The following PHF8 variants were observed in gnomAD, a reference collection of about 807,000 sequenced individuals.
PHF8 encodes PHD finger protein 8.
PHF8 carries 9 observed loss-of-function variants against 74.4 expected under a neutral mutation model. That is an observed-to-expected ratio of 0.12 (90% CI 0.07 to 0.21). The LOEUF (loss-of-function observed/expected upper bound fraction) is 0.21. PHF8 is among the 10% of genes least tolerant of loss of function. PHF8 has a pLI of 1.00. For missense variants in PHF8, 478 were observed against 816.6 expected (o/e 0.59, Z 5.05); for synonymous variants, 311 against 316.6 (o/e 0.98, Z 0.19).
upstream of PHF8, among the ~76,000 whole-genome samples, chrX:54,046,679 C>T (rs1237753397): frequency 2.7e-5 from 3 of 109,651 alleles, no homozygotes; most frequent in East Asian, 2.8e-4. Context: ...GTAATAATTA[C>T]GAAGAGAAGT....
chrX:54,006,352 T>G (rs1187996800), intron 8 of PHF8, among the ~76,000 whole-genome samples: 1 of 110,101 alleles, frequency 9.1e-6, no homozygotes, highest in Non-Finnish European at 1.9e-5. Context: ...CGTGGTAGTG[T>G]ACATCTGTGG....
At chrX:53,985,679 C>T in intron 17 of PHF8, 137 bp downstream of exon 17, 1 of 1,079,647 alleles carries the variant, frequency 9.3e-7, no homozygotes, top group Non-Finnish European at 1.3e-6. Flanking sequence ...TATTCTTTCA[C>T]CCAAATGCCC....
chrX:54,035,250 G>A (rs1475475676), intron 2 of PHF8, among the ~76,000 whole-genome samples: 2 of 107,910 alleles, frequency 1.9e-5, no homozygotes, highest in Non-Finnish European at 3.8e-5. Flanking sequence ...CCAGCTACTC[G>A]GGAGGCTAAG....
In PHF8 at chrX:53,994,288, G is replaced by C. The variant is rs782260681; in HGVS notation, c.1324-385C>G. Among the ~76,000 whole-genome samples, 3 of 112,464 alleles carry C rather than the reference G, an allele frequency of 2.7e-5. No homozygotes were observed. The South Asian group carries it at 1.1e-3, about 41-fold the overall frequency. On this transcript the variant is annotated intron_variant, in intron 12 of 21. Transcript: ENST00000338154. Reference sequence around the variant, plus strand: ...CTAGCTAGCTCTGTAACTAGCTCAGGAAAGTTATCTGACCATTTGAGACTG... The same window carrying C: ...CTAGCTAGCTCTGTAACTAGCTCAGCAAAGTTATCTGACCATTTGAGACTG...
intron 4 of PHF8, among the ~76,000 whole-genome samples, chrX:54,020,633 G>A (rs1329387981): frequency 8.9e-6 from 1 of 112,075 alleles, no homozygotes; most frequent in Non-Finnish European, 1.9e-5. Flanking sequence ...CAAATAACGG[G>A]TTGACTTTGG....
At chrX:54,008,646 G>A (rs886657404) in intron 8 of PHF8, among the ~76,000 whole-genome samples, 32 of 110,661 alleles carry the variant, frequency 2.9e-4, no homozygotes, top group South Asian at 3.8e-4. Context: ...AGCCAAGATC[G>A]CGCCACTGCA....
chrX:54,036,881 T>G (rs188714370), intron 2 of PHF8, among the ~76,000 whole-genome samples: 1 of 106,416 alleles, frequency 9.4e-6, no homozygotes, highest in Non-Finnish European at 1.9e-5. Context: ...GCGCCTATAA[T>G]CCCAGCTAGT....
At chrX:53,988,326 G>A (rs1051219262) in intron 14 of PHF8, among the ~76,000 whole-genome samples, 1 of 111,438 alleles carries the variant, frequency 9.0e-6, no homozygotes, top group Non-Finnish European at 1.9e-5. Flanking sequence ...GGGAAAGGAT[G>A]GTTTTTTTCA....
At position 53,940,551 on chromosome X, in the gene PHF8, G is replaced by C. The variant is rs7886772; in HGVS notation, c.2650-35C>G. 101,397 of 1,009,246 alleles carry C rather than the reference G, an allele frequency of 0.1. 4,272 individuals are homozygous for C. Among genetic ancestry groups the C allele is most frequent in the African/African-American group, 0.25 (13,139 of 53,185 alleles). The allele number at this position is 1,009,246 out of a possible 1,213,427, so 83.2% of individuals were successfully genotyped here. On this transcript the variant is annotated intron_variant, in intron 20 of 21. Transcript: ENST00000338154. ...AAGCCAAGTAGGAGGAGAGATTAAG[G>C]AGTGAAGAAGACAAGTTCCCAGGAA... is the stretch of plus-strand genomic sequence containing the variant.
At chrX:53,943,401 A>T in intron 20 of PHF8, 1 of 1,011,029 alleles carries the variant, frequency 9.9e-7, no homozygotes, top group East Asian at 3.4e-5. Flanking sequence ...CATTTTCTTC[A>T]CCTATAAAAT....
upstream of PHF8, among the ~76,000 whole-genome samples, chrX:54,045,746 T>C (rs1332358755): frequency 3.6e-5 from 4 of 112,168 alleles, no homozygotes; most frequent in Non-Finnish European, 7.5e-5. Flanking sequence ...AGAAAAATAT[T>C]TACTAGAAGT....
Position 53,987,158 on chromosome X carries a change from G to A in PHF8, c.1915C>T (p.Pro639Ser), listed in dbSNP as rs1418916376. The A allele has an allele frequency of 1.7e-6, 2 of 1,159,709 alleles. No individual in the cohort carries two copies. Among genetic ancestry groups the A allele is most frequent in the Non-Finnish European group, 2.4e-6 (2 of 850,175 alleles). Residue 639 changes from proline to serine, a missense_variant, in exon 16 of 22, where the codon CCC (proline) becomes TCC (serine). This residue lies in a region of PHF8 where 45 missense variants were observed against 94.4 expected (regional missense o/e 0.48). Coordinates refer to ENST00000338154, the MANE Select transcript of PHF8 (RefSeq NM_015107.3). Reference protein sequence around the residue: ...KATLIIRPKFPRKLPRAKPCS... With the variant: ...KATLIIRPKFSRKLPRAKPCS... ...GGCTTCGCACGGGGCAATTTCCGGG[G>A]AAATTCTAGAAAACAATGGAATGCA...
At chrX:54,019,787 C>CAA (rs781792263) in intron 4 of PHF8, among the ~76,000 whole-genome samples, 11 of 27,689 alleles carry the variant, frequency 4.0e-4, no homozygotes, top group Non-Finnish European at 6.7e-4. Flanking sequence ...GACACCGCCT[C>CAA]AAAAAAAAAA....
intron 19 of PHF8, among the ~76,000 whole-genome samples, chrX:53,951,070 A>G (rs782073001): frequency 2.4e-4 from 27 of 112,467 alleles, no homozygotes; most frequent in African/African-American, 8.4e-4. Flanking sequence ...CACCAAACAG[A>G]GAATACCAAT....
intron 18 of PHF8, among the ~76,000 whole-genome samples, chrX:53,970,583 A>G (rs1371149921): frequency 9.0e-6 from 1 of 111,711 alleles, no homozygotes; most frequent in African/African-American, 3.3e-5. Flanking sequence ...ACCCATCAGT[A>G]TGCTGTCTTC....
At chrX:54,046,744 A>T (rs1465887118), upstream of PHF8, among the ~76,000 whole-genome samples, 2 of 111,702 alleles carry the variant, frequency 1.8e-5, no homozygotes, top group Non-Finnish European at 3.8e-5. Context: ...GCATGTCTGT[A>T]ATCCCAGCAC....
intron 18 of PHF8, 62 bp downstream of exon 18, chrX:53,984,852 G>C: frequency 1.1e-6 from 1 of 896,546 alleles, no homozygotes; most frequent in Non-Finnish European, 1.6e-6. Flanking sequence ...TTGGGACTAG[G>C]ATGGAGACTG....
At chrX:53,966,434 G>A (rs1216451534) in intron 18 of PHF8, among the ~76,000 whole-genome samples, 1 of 112,906 alleles carries the variant, frequency 8.9e-6, no homozygotes, top group African/African-American at 3.2e-5. Context: ...GGGTTTCGCT[G>A]TGTTGGCCGG....
chrX:54,043,735 A>T, intron 1 of PHF8, 27 bp downstream of exon 1: 1 of 574,835 alleles, frequency 1.7e-6, no homozygotes, highest in Non-Finnish European at 2.1e-6. Context: ...AACTGACAGT[A>T]ATAGCCTCGC....
Sources: gnomAD v4.1 joint callset for allele counts (sites outside exome capture counted in the v4.1 genomes callset) on GRCh38, gnomAD v4.1.1 for gene constraint, gnomAD v4.1.1 regional missense constraint, MANE v1.5 for transcripts, NCBI Gene and HGNC (gene_info 2026-07-23, HGNC 2026-07-21) for gene names.